The following ADAMTSL1 variants were observed in gnomAD, a reference collection of about 807,000 sequenced individuals.
The protein encoded by ADAMTSL1 is ADAMTS-like protein 1.
ADAMTSL1 carries 126 observed loss-of-function variants against 201.8 expected under a neutral mutation model. That is an observed-to-expected ratio of 0.62 (90% CI 0.54 to 0.72). ADAMTSL1 has a LOEUF of 0.72. ADAMTSL1 is among the 30% of genes least tolerant of loss of function. The pLI, the probability that ADAMTSL1 is intolerant of heterozygous loss-of-function variation, is 0.00. For missense variants in ADAMTSL1, 2,679 were observed against 2,277.8 expected (o/e 1.18, Z -3.59); for synonymous variants, 1,121 against 903.4 (o/e 1.24, Z -4.32).
chr9:18,776,475 G>A (rs1821000131), intron 18 of ADAMTSL1, among the ~76,000 whole-genome samples: 1 of 152,108 alleles, frequency 6.6e-6, no homozygotes, highest in Non-Finnish European at 1.5e-5. Context: ...CAGCTTCTAG[G>A]AGCAACAAGG....
chr9:18,033,662 A>T (rs1019856154), intron 1 of ADAMTSL1, among the ~76,000 whole-genome samples: 1 of 152,172 alleles, frequency 6.6e-6, no homozygotes, highest in Admixed American at 6.5e-5. Flanking sequence ...TCCAGGTTTG[A>T]ACTTTAAGAC....
intron 1 of ADAMTSL1, among the ~76,000 whole-genome samples, chr9:18,076,968 A>G (rs1823259265): frequency 6.6e-6 from 1 of 152,166 alleles, no homozygotes; most frequent in Non-Finnish European, 1.5e-5. Flanking sequence ...ACGCTGTTAG[A>G]TGGCTACGGA....
Position 18,573,914 on chromosome 9 carries a change from T to G in ADAMTSL1, c.238-116T>G, listed in dbSNP as rs539093080. The G allele has an allele frequency of 4.9e-5, 37 of 748,012 alleles. No individual in the cohort carries two copies. In the African/African-American group the frequency reaches 6.1e-4, roughly 12 times the overall value. The allele number at this position is 748,012 out of a possible 1,614,324, so 46.3% of individuals were successfully genotyped here. A position where few individuals can be genotyped will look rare whatever the true frequency, so the allele number is the denominator to read the frequency against. ...ATGATATTATAAGTTCCATCTATCA[T>G]GACCAGGACATTTGTTTTGCTTTCT... On this transcript the variant is annotated intron_variant, in intron 3 of 28. Transcript: ENST00000380548.
At chr9:18,903,527 A>G (rs966294116) in intron 26 of ADAMTSL1, among the ~76,000 whole-genome samples, 1 of 152,234 alleles carries the variant, frequency 6.6e-6, no homozygotes, top group Non-Finnish European at 1.5e-5. Flanking sequence ...ACGTGTATAC[A>G]GGACTAGCTA....
intron 12 of ADAMTSL1, among the ~76,000 whole-genome samples, chr9:18,683,507 C>T (rs796912366): frequency 5.3e-5 from 8 of 152,102 alleles, no homozygotes; most frequent in East Asian, 3.9e-4. Context: ...GGATTACAGG[C>T]GTGAGCCTCC....
intron 1 of ADAMTSL1, among the ~76,000 whole-genome samples, chr9:17,951,391 T>G (rs1158928950): frequency 6.6e-6 from 1 of 152,140 alleles, no homozygotes; most frequent in Admixed American, 6.5e-5. Flanking sequence ...TTTTTAAAAT[T>G]TTCTGCATAT....
At chr9:18,514,808 G>A (rs1307463925) in intron 2 of ADAMTSL1, among the ~76,000 whole-genome samples, 1 of 152,086 alleles carries the variant, frequency 6.6e-6, no homozygotes, top group African/African-American at 2.4e-5. Flanking sequence ...ACTGACCTAA[G>A]ACTTTCAGTA....
intron 2 of ADAMTSL1, among the ~76,000 whole-genome samples, chr9:18,511,667 T>C (rs969430838): frequency 3.3e-5 from 5 of 152,142 alleles, no homozygotes; most frequent in African/African-American, 4.8e-5. Context: ...TTCATAATAA[T>C]TGTGGTAAGA....
intron 2 of ADAMTSL1, among the ~76,000 whole-genome samples, chr9:18,254,937 C>A (rs1468346998): frequency 1.3e-5 from 2 of 151,828 alleles, no homozygotes; most frequent in Non-Finnish European, 2.9e-5. Context: ...CAATAGAAAC[C>A]CAATTTTCCA....
chr9:18,603,343 A>G (rs1474593503), intron 4 of ADAMTSL1, among the ~76,000 whole-genome samples: 1 of 20,906 alleles, frequency 4.8e-5, no homozygotes, highest in East Asian at 2.9e-3. Flanking sequence ...CCAAAGCTAT[A>G]TGCTATGCTA....
chr9:18,861,731 C>T (rs1426722777), intron 23 of ADAMTSL1, among the ~76,000 whole-genome samples: 1 of 152,186 alleles, frequency 6.6e-6, no homozygotes, highest in African/African-American at 2.4e-5. Context: ...AAACCATTCG[C>T]TCTTTGGGCT....
In ADAMTSL1 at chr9:18,777,556, C is replaced by T; in HGVS notation, c.3327C>T (p.Phe1109=). Reference sequence around the variant, plus strand: ...TGGCCCAGCTGGCCCAGGAGATCTTCCGCAGCCACCTGGAGCACCAGGACA... The same window carrying T: ...TGGCCCAGCTGGCCCAGGAGATCTTTCGCAGCCACCTGGAGCACCAGGACA... ...HLVAQLAQEI[F]RSHLEHQDTL... The change falls in exon 19 of 29, where the codon TTC becomes TTT. Residue 1109 remains phenylalanine, a synonymous_variant. Transcript: ENST00000380548. 6.2e-7 allele frequency: 1 copy of T among 1,605,792 alleles called. No individual in the cohort carries two copies. The highest frequency in any genetic ancestry group is 8.5e-7 in the Non-Finnish European group (1 of 1,176,438).
chr9:18,564,599 A>G (rs1821759868), intron 3 of ADAMTSL1, among the ~76,000 whole-genome samples: 1 of 152,230 alleles, frequency 6.6e-6, no homozygotes, highest in South Asian at 2.1e-4. Context: ...ACTTTCCACC[A>G]CAAATATTTT....
intron 3 of ADAMTSL1, among the ~76,000 whole-genome samples, chr9:18,542,993 T>C (rs940957292): frequency 2.0e-5 from 3 of 152,194 alleles, no homozygotes; most frequent in African/African-American, 7.2e-5. Flanking sequence ...GGCCCTTCCT[T>C]TGGACGAACT....
intron 3 of ADAMTSL1, among the ~76,000 whole-genome samples, chr9:18,562,079 TA>T (rs1289965717): frequency 6.6e-6 from 1 of 152,178 alleles, no homozygotes; most frequent in East Asian, 1.9e-4. Flanking sequence ...GCCAGCTGGT[TA>T]TTTTGCCCAT....
chr9:18,184,537 C>T (rs1031742536), intron 2 of ADAMTSL1, among the ~76,000 whole-genome samples: 20 of 152,078 alleles, frequency 1.3e-4, no homozygotes, highest in Admixed American at 5.9e-4. Flanking sequence ...GGGAAACTTC[C>T]GCTTTTATTT....
rs1820565170 is a variant in ADAMTSL1 at position 18,455,472 on chromosome 9, G to T, written c.208-49357G>T. Among the ~76,000 whole-genome samples the T allele has an allele frequency of 2.0e-5, 3 of 151,664 alleles. No homozygotes were observed. The South Asian group carries it at 6.2e-4, about 32-fold the overall frequency. ...AGTATTTCTGTATATATTCATAAAT[G>T]CATTTTGCACTTTAATATAATTTTT... On this transcript the variant is annotated intron_variant, in intron 2 of 29. Coordinates refer to the ADAMTSL1 transcript ENST00000680146.
intron 4 of ADAMTSL1, among the ~76,000 whole-genome samples, chr9:18,588,369 T>G (rs1042368196): frequency 6.6e-6 from 1 of 152,192 alleles, no homozygotes; most frequent in Non-Finnish European, 1.5e-5. Flanking sequence ...TATTAACTCC[T>G]TGCCAGATGG....
chr9:18,335,745 G>C (rs1835210832), intron 2 of ADAMTSL1, among the ~76,000 whole-genome samples: 1 of 152,084 alleles, frequency 6.6e-6, no homozygotes, highest in East Asian at 1.9e-4. Context: ...ACATATATTA[G>C]TGCTGTTAGA....
Sources: allele counts gnomAD v4.1 joint callset (sites outside exome capture counted in the v4.1 genomes callset), GRCh38; gene constraint gnomAD v4.1.1; transcripts MANE v1.5; gene names NCBI Gene and HGNC (gene_info 2026-07-23, HGNC 2026-07-21).